Variants in PAPPA2 observed in about 807,000 individuals in gnomAD.
The protein encoded by PAPPA2 is pappalysin 2, also known as pappalysin-2.
A neutral mutation model predicts 176.4 loss-of-function variants in PAPPA2; 86 were observed. That is an observed-to-expected ratio of 0.49 (90% CI 0.41 to 0.58). The LOEUF (loss-of-function observed/expected upper bound fraction) is 0.58, where lower values mean the gene tolerates loss of function less well. Ranked by LOEUF, PAPPA2 falls within the 20% of genes least tolerant of loss-of-function variation. The probability of loss-of-function intolerance (pLI) is 0.00; values close to 1 mark genes in which losing one functional copy is unlikely to be tolerated. For synonymous variants in PAPPA2, 809 were observed against 852.2 expected, an observed-to-expected ratio of 0.95 and a Z score of 0.88; for missense variants, 2,073 against 2,256.9, an observed-to-expected ratio of 0.92 and a Z score of 1.65.
At chr1:176,723,800 T>C (rs1661734519) in intron 12 of PAPPA2, among the ~76,000 whole-genome samples, 1 of 152,168 alleles carries the variant, frequency 6.6e-6, no homozygotes, top group African/African-American at 2.4e-5. Flanking sequence ...TTTTCTTAAA[T>C]ATAATAAAAT....
At chr1:176,583,005 C>T (rs1653080782) in intron 2 of PAPPA2, among the ~76,000 whole-genome samples, 1 of 152,056 alleles carries the variant, frequency 6.6e-6, no homozygotes, top group African/African-American at 2.4e-5. Flanking sequence ...AGGAATTTAT[C>T]CATTTCTTCT....
chr1:176,718,318 T>C (rs1661463720), intron 12 of PAPPA2, among the ~76,000 whole-genome samples: 1 of 152,154 alleles, frequency 6.6e-6, no homozygotes, highest in Non-Finnish European at 1.5e-5. Context: ...GTCTCTTTTA[T>C]TTTTACTGCT....
chr1:176,663,068 C>G lies in PAPPA2; in HGVS notation c.1992-7902C>G, dbSNP rs980627819. Reference sequence around the variant, plus strand: ...GAAGCAGCCTTCACGCAGGGATCATCTCACTTGAAGTTGGGGCTAATCACT... The same window carrying G: ...GAAGCAGCCTTCACGCAGGGATCATGTCACTTGAAGTTGGGGCTAATCACT... On this transcript the variant is annotated intron_variant, in intron 3 of 22. Transcript: ENST00000367662. 2.6e-5 allele frequency among the ~76,000 whole-genome samples: 4 copies of G among 152,148 alleles called. 1 individual carries two copies. Among genetic ancestry groups the G allele is most frequent in the Admixed American group, 2.0e-4 (3 of 15,268 alleles).
chr1:176,719,146 A>G (rs557557507), intron 12 of PAPPA2, among the ~76,000 whole-genome samples: 1 of 152,216 alleles, frequency 6.6e-6, no homozygotes, highest in South Asian at 2.1e-4. Flanking sequence ...TAACTATGCA[A>G]GTTGAAACCT....
At chr1:176,580,563 T>C (rs1482822947) in intron 2 of PAPPA2, among the ~76,000 whole-genome samples, 1 of 152,220 alleles carries the variant, frequency 6.6e-6, no homozygotes, top group African/African-American at 2.4e-5. Flanking sequence ...CTCCATGCTG[T>C]TCTCCACAGT....
intron 2 of PAPPA2, among the ~76,000 whole-genome samples, chr1:176,574,381 TG>T (rs1652526149): frequency 6.6e-6 from 1 of 152,224 alleles, no homozygotes; most frequent in Non-Finnish European, 1.5e-5. Flanking sequence ...GATTTCTCTA[TG>T]TTGCTGGAGA....
At chr1:176,467,125 G>A (rs920523009) in intron 1 of PAPPA2, among the ~76,000 whole-genome samples, 33 of 152,162 alleles carry the variant, frequency 2.2e-4, no homozygotes, top group Middle Eastern at 3.4e-3. Context: ...ATAGCCTACC[G>A]AGCCTACAAA....
intron 12 of PAPPA2, among the ~76,000 whole-genome samples, chr1:176,731,873 C>T (rs1004500711): frequency 6.6e-6 from 1 of 151,896 alleles, no homozygotes; most frequent in Non-Finnish European, 1.5e-5. Context: ...TTTAGATAAA[C>T]AATGAATTTT....
intron 12 of PAPPA2, among the ~76,000 whole-genome samples, chr1:176,733,341 C>A (rs1171347040): frequency 6.6e-6 from 1 of 152,158 alleles, no homozygotes; most frequent in East Asian, 1.9e-4. Flanking sequence ...TGGATCCCTG[C>A]ATTTTGTGGG....
chr1:176,668,081 A>G (rs972740923), intron 3 of PAPPA2, among the ~76,000 whole-genome samples: 2 of 152,180 alleles, frequency 1.3e-5, no homozygotes, highest in Non-Finnish European at 2.9e-5. Context: ...GGTGATGGTC[A>G]TAGAATGGTG....
intron 21 of PAPPA2, among the ~76,000 whole-genome samples, chr1:176,826,430 A>G (rs910432708): frequency 6.6e-6 from 1 of 152,222 alleles, no homozygotes; most frequent in African/African-American, 2.4e-5. Flanking sequence ...ACAGACAAGC[A>G]TCCTGGAGAT....
chr1:176,557,312 T>C (rs1651378181), intron 2 of PAPPA2, 71 bp downstream of exon 2: 1 of 1,470,420 alleles, frequency 6.8e-7, no homozygotes, highest in South Asian at 1.4e-5. Flanking sequence ...GGGTTAGACA[T>C]AGGGAGCGAG....
At chr1:176,698,457 A>G (rs893093436) in intron 7 of PAPPA2, among the ~76,000 whole-genome samples, 5 of 152,052 alleles carry the variant, frequency 3.3e-5, no homozygotes, top group Admixed American at 1.3e-4. Flanking sequence ...TAGATTCGTG[A>G]TATTTGATTT....
At chr1:176,674,645 T>C (rs1426832306) in intron 4 of PAPPA2, among the ~76,000 whole-genome samples, 2 of 152,248 alleles carry the variant, frequency 1.3e-5, no homozygotes, top group African/African-American at 4.8e-5. Flanking sequence ...TACTGTATTT[T>C]CTTTTTCCAC....
intron 3 of PAPPA2, among the ~76,000 whole-genome samples, chr1:176,662,681 T>C (rs537382713): frequency 6.6e-6 from 1 of 152,208 alleles, no homozygotes; most frequent in Non-Finnish European, 1.5e-5. Context: ...ATCTGGTTCT[T>C]TTTGATGCTT....
intron 1 of PAPPA2, among the ~76,000 whole-genome samples, chr1:176,468,744 C>T (rs985328472): frequency 6.6e-6 from 1 of 152,188 alleles, no homozygotes; most frequent in Admixed American, 6.5e-5. Context: ...TATCTCCTTT[C>T]CCCCTCTTGC....
chr1:176,484,849 G>T lies in PAPPA2; in HGVS notation c.-917+21431G>T, dbSNP rs147593833. Among the ~76,000 whole-genome samples the T allele has an allele frequency of 2.2e-3, 328 of 152,276 alleles. 2 individuals are homozygous for T. The highest frequency in any genetic ancestry group is 6.3e-3 in the African/African-American group (263 of 41,558). On this transcript the variant is annotated intron_variant, in intron 1 of 22. Coordinates refer to ENST00000367662, the MANE Select transcript of PAPPA2 (RefSeq NM_020318.3). The stretch of plus-strand genomic sequence containing the variant: ...TCCAACTCTGCCATATCTGAGTGTG[G>T]TTTTTATTCCTGATCTGTCTCTTTA...
rs1453060459 is a variant in PAPPA2, at chr1:176,556,968, T to C, written c.646T>C (p.Ser216Pro). Residue 216 changes from serine to proline, a missense_variant, in exon 2 of 23, where the codon TCT becomes CCT. Transcript: ENST00000367662. The stretch of plus-strand genomic sequence containing the variant: ...AGATGGGCAGGGAGACTCCGGTATC[T>C]CTTCACATTTCCAACCTTGGCCCAA... Reference protein sequence around the residue: ...AEDGQGDSGISSHFQPWPKHS... With the variant: ...AEDGQGDSGIPSHFQPWPKHS... The C allele has an allele frequency of 2.5e-6, 4 of 1,613,936 alleles. No homozygotes were observed. The highest frequency in any genetic ancestry group is 3.4e-6 in the Non-Finnish European group (4 of 1,179,968).
At chr1:176,674,805 G>T (rs184587193) in intron 4 of PAPPA2, among the ~76,000 whole-genome samples, 2 of 149,176 alleles carry the variant, frequency 1.3e-5, no homozygotes, top group East Asian at 4.0e-4. Context: ...TAGTGGGATT[G>T]CTGGATCAAA....
Sources: gnomAD v4.1 joint callset for allele counts (sites outside exome capture counted in the v4.1 genomes callset) on GRCh38, gnomAD v4.1.1 for gene constraint, MANE v1.5 for transcripts, NCBI Gene and HGNC (gene_info 2026-07-23, HGNC 2026-07-21) for gene names.